Variants in FBXO11 observed in about 807,000 individuals in gnomAD.
The protein encoded by FBXO11 is F-box protein 11.
In FBXO11, 13 loss-of-function variants were observed where a neutral mutation model predicts 117.0. The ratio of observed to expected loss-of-function variants is 0.11; its 90% CI spans 0.07 to 0.18. FBXO11 has a LOEUF of 0.18. Ranked by LOEUF, FBXO11 falls within the 10% of genes least tolerant of loss-of-function variation. FBXO11 has a pLI of 1.00. For synonymous variants in FBXO11, 490 were observed against 380.5 expected (o/e 1.29, Z -3.35); for missense variants, 767 against 1,164.4 (o/e 0.66, Z 4.97).
rs1439467090 is a variant in FBXO11 at position 47,813,810 on chromosome 2, T to C, written c.2064A>G (p.Gly688=). Residue 688 remains glycine (G), a synonymous_variant, in exon 17 of 23, where the codon GGA becomes GGG. Coordinates refer to ENST00000403359, the MANE Select transcript of FBXO11 (RefSeq NM_001190274.2). ...ACATACCAGAATTATAAACTAGAAT[T>C]CCACCATTCTGTCCTCCCCAGATTT... ...RNKIWGGQNG[G]ILVYNSGLGC... 1.2e-6 allele frequency: 2 copies of C among 1,613,354 alleles called. No individual in the cohort carries two copies. The highest frequency in any genetic ancestry group is 3.3e-5 in the Admixed American group (2 of 60,004).
Position 47,838,930 on chromosome 2 carries a change from C to T in FBXO11, c.516G>A (p.Leu172=). 1.2e-6 allele frequency: 2 copies of T among 1,614,050 alleles called. No homozygotes were observed. The highest frequency in any genetic ancestry group is 8.5e-7 in the Non-Finnish European group (1 of 1,179,956). ...EVVLKIFSYL[L]EQDLCRAACV... ...AAGCTGCTCTACAAAGATCCTGTTC[C>T]AGCAAGTAAGAGAAGATTTTTAGAA... is the stretch of plus-strand genomic sequence containing the variant. The change falls in exon 4 of 23, where the codon CTG becomes CTA. Residue 172 remains leucine (L), a synonymous_variant. Transcript: ENST00000403359.
chr2:47,842,141 G>A (rs531612600), intron 1 of FBXO11, among the ~76,000 whole-genome samples: 6 of 151,108 alleles, frequency 4.0e-5, no homozygotes, highest in African/African-American at 1.2e-4. Context: ...TCAGCCTCCC[G>A]AGTAGCTGGG....
At chr2:47,886,555 A>G (rs1306125050) in intron 1 of FBXO11, among the ~76,000 whole-genome samples, 1 of 152,220 alleles carries the variant, frequency 6.6e-6, no homozygotes, top group East Asian at 1.9e-4. Flanking sequence ...ATAAACATGT[A>G]AAGATATTTG....
At chr2:47,846,027 C>A (rs987839890) in intron 1 of FBXO11, among the ~76,000 whole-genome samples, 1 of 152,084 alleles carries the variant, frequency 6.6e-6, no homozygotes, top group Non-Finnish European at 1.5e-5. Context: ...ACTTAGCATA[C>A]ATGAAACAAA....
chr2:47,822,462 C>G (rs1671459855), intron 12 of FBXO11, among the ~76,000 whole-genome samples, 159 bp from the exon 13 acceptor site: 2 of 152,154 alleles, frequency 1.3e-5, no homozygotes, highest in Admixed American at 6.5e-5. Flanking sequence ...TTGGAAAAGT[C>G]AGACTACTAT....
intron 1 of FBXO11, among the ~76,000 whole-genome samples, chr2:47,857,358 T>C (rs1034771687): frequency 1.3e-5 from 2 of 152,072 alleles, no homozygotes; most frequent in Admixed American, 6.6e-5. Context: ...TGGCTTCAAG[T>C]GATCCTCCTG....
chr2:47,826,541 G>C (rs1000576289), intron 11 of FBXO11, among the ~76,000 whole-genome samples: 3 of 152,092 alleles, frequency 2.0e-5, no homozygotes, highest in South Asian at 2.1e-4. Context: ...TGGGACAGCA[G>C]AATTTAGCTC....
chr2:47,878,911 A>G (rs77099778), intron 1 of FBXO11, among the ~76,000 whole-genome samples: 22,686 of 151,894 alleles, frequency 0.15, 1,832 homozygotes, highest in Non-Finnish European at 0.18. Flanking sequence ...TTGGGGAGGC[A>G]GACATTGTAG....
At chr2:47,854,679 G>A (rs916598315) in intron 1 of FBXO11, among the ~76,000 whole-genome samples, 3 of 151,922 alleles carry the variant, frequency 2.0e-5, no homozygotes, top group East Asian at 1.9e-4. Context: ...ACAGATTGCT[G>A]GGCTCCACCT....
chr2:47,853,025 GA>G (rs1673994812), intron 1 of FBXO11, among the ~76,000 whole-genome samples: 1 of 151,964 alleles, frequency 6.6e-6, no homozygotes, highest in African/African-American at 2.4e-5. Context: ...GCCTATAAAA[GA>G]ATACCATGGA....
At chr2:47,836,114 G>A in intron 4 of FBXO11, 113 bp from the exon 5 acceptor site, 4 of 645,620 alleles carry the variant, frequency 6.2e-6, no homozygotes, top group African/African-American at 1.9e-5. Context: ...AAGAAAGTAA[G>A]AATAGACAAA....
At chr2:47,834,447 G>A (rs963600706) in intron 7 of FBXO11, 132 bp downstream of exon 7, 65 of 628,390 alleles carry the variant, frequency 1.0e-4, no homozygotes, top group African/African-American at 1.9e-5. Context: ...CTTAAAATAT[G>A]TGTGATATCT....
chr2:47,835,903 G>C lies in FBXO11; in HGVS notation c.686C>G (p.Pro229Arg). The change falls in exon 5 of 23, where the codon CCA becomes CGA. Residue 229 changes from proline (P) to arginine (R), a missense_variant. This residue lies in a region of FBXO11 where 355 missense variants were observed against 299.8 expected (regional missense o/e 1.18). Coordinates refer to ENST00000403359, the MANE Select transcript of FBXO11 (RefSeq NM_001190274.2). ...CTGGAAACTCTCTTTCCAGGGATTT[G>C]GATGTTCATACTCTTCTGGATTAAT... ...YQINPEEYEH[P>R]NPWKESFQQL... is the part of the protein sequence containing the mutation. The C allele has an allele frequency of 1.2e-6, 2 of 1,610,108 alleles. No homozygotes were observed. Among genetic ancestry groups the C allele is most frequent in the Non-Finnish European group, 1.7e-6 (2 of 1,177,260 alleles).
intron 1 of FBXO11, among the ~76,000 whole-genome samples, chr2:47,840,201 C>A (rs1375681856): frequency 1.3e-5 from 2 of 152,068 alleles, no homozygotes; most frequent in Non-Finnish European, 2.9e-5. Context: ...CCTCGGCCTC[C>A]CAAAGTGCTG....
In FBXO11 at chr2:47,896,630, C is replaced by T. The variant is rs373408837; in HGVS notation, c.232+8859G>A. On this transcript the variant is annotated intron_variant, in intron 1 of 22. Coordinates refer to ENST00000403359, the MANE Select transcript of FBXO11 (RefSeq NM_001190274.2). ...TACAGGCATGAGCCACTATGCCCCG[C>T]CCAATTGTTTAATTTCGCTTCCCTC... 2.6e-3 allele frequency among the ~76,000 whole-genome samples: 399 copies of T among 152,286 alleles called. 2 individuals are homozygous for T. Among genetic ancestry groups the T allele is most frequent in the Middle Eastern group, 0.014 (4 of 294 alleles).
chr2:47,888,674 C>T, intron 1 of FBXO11: 1 of 983,304 alleles, frequency 1.0e-6, no homozygotes, highest in Non-Finnish European at 1.2e-6. Flanking sequence ...TCCTGTTAGA[C>T]AGTTTTTCAG....
In FBXO11 at chr2:47,843,901, C is replaced by T. The variant is rs113475589; in HGVS notation, c.233-4132G>A. ...GATTACAGGCACGCGCCACTACGCCCGGCTAATTTTTGTATTTTTAATAGA... is the reference window on the plus strand; with the variant it reads ...GATTACAGGCACGCGCCACTACGCCTGGCTAATTTTTGTATTTTTAATAGA... On this transcript the variant is annotated intron_variant, in intron 1 of 22. Coordinates refer to ENST00000403359, the MANE Select transcript of FBXO11 (RefSeq NM_001190274.2). Among the ~76,000 whole-genome samples, 18 of 151,994 alleles carry T rather than the reference C, an allele frequency of 1.2e-4. No homozygotes were observed. The East Asian group carries it at 1.9e-3, about 16-fold the overall frequency.
At chr2:47,809,743 TTTATAC>T in intron 19 of FBXO11, 36 bp from the exon 20 acceptor site, 2 of 1,361,278 alleles carry the variant, frequency 1.5e-6, no homozygotes, top group Non-Finnish European at 2.1e-6. Flanking sequence ...GATACATCAC[TTTATAC>T]TGCTTCTTAA....
intron 1 of FBXO11, chr2:47,883,667 G>T: frequency 3.7e-6 from 1 of 269,930 alleles, no homozygotes; most frequent in South Asian, 4.1e-5. Context: ...ATCTTGTGTT[G>T]AGACTTTGTG....
Sources: gnomAD v4.1 joint callset for allele counts (sites outside exome capture counted in the v4.1 genomes callset) on GRCh38, gnomAD v4.1.1 for gene constraint, gnomAD v4.1.1 regional missense constraint, MANE v1.5 for transcripts, NCBI Gene and HGNC (gene_info 2026-07-23, HGNC 2026-07-21) for gene names.